The following SH3TC2 variants were observed in gnomAD, a reference collection of about 807,000 sequenced individuals.
The protein encoded by SH3TC2 is SH3 domain and tetratricopeptide repeat-containing protein 2.
Under a neutral mutation model 124.5 loss-of-function variants are expected in SH3TC2, and 87 were observed. The ratio of observed to expected loss-of-function variants is 0.70; its 90% CI spans 0.59 to 0.84. The LOEUF (loss-of-function observed/expected upper bound fraction) is 0.84, where lower values mean the gene tolerates loss of function less well. Ranked by LOEUF, SH3TC2 falls within the 40% of genes least tolerant of loss-of-function variation. The probability of loss-of-function intolerance (pLI) is 0.00; values close to 1 mark genes in which losing one functional copy is unlikely to be tolerated. For synonymous variants in SH3TC2, 634 were observed against 628.5 expected, an observed-to-expected ratio of 1.01 and a Z score of -0.13; for missense variants, 1,536 against 1,566.4, an observed-to-expected ratio of 0.98 and a Z score of 0.33.
In SH3TC2 at chr5:149,044,372, T is replaced by C. The variant is rs913093020; in HGVS notation, c.385+161A>G. ...AATAATAGTTAATATTTGCCTTAGATTTAGTTTGAGGCACTTTGTGAAATT... is the reference window on the plus strand; with the variant it reads ...AATAATAGTTAATATTTGCCTTAGACTTAGTTTGAGGCACTTTGTGAAATT... On this transcript the variant is annotated intron_variant, in intron 4 of 16. Transcript: ENST00000515425. 4.0e-5 allele frequency: 25 copies of C among 624,876 alleles called. No individual in the cohort carries two copies. In the South Asian group the frequency reaches 4.6e-4, roughly 11 times the overall value. The allele number at this position is 624,876 out of a possible 1,614,324, so 38.7% of individuals were successfully genotyped here.
chr5:149,055,263 C>T (rs888811445), intron 1 of SH3TC2, among the ~76,000 whole-genome samples: 1 of 151,976 alleles, frequency 6.6e-6, no homozygotes, highest in Non-Finnish European at 1.5e-5. Flanking sequence ...AAATATTGAT[C>T]ATACGTATGT....
rs1561769861 is a variant in SH3TC2 at position 149,041,603 on chromosome 5, T to C, written c.544A>G (p.Arg182Gly). ...GGTGGAGTCACGGAGCACAGGGCTC[T>C]GCAGAAGAAGTGGCCTGTGGATAAT... ...LLIQEGHFFC[R>G]ALCSVTPPAE... Residue 182 changes from arginine (R) to glycine (G), a missense_variant, in exon 6 of 17, where the codon AGA becomes GGA. By Grantham distance (125) the Arg-to-Gly change is moderately radical. Transcript: ENST00000515425. The C allele has an allele frequency of 1.2e-6, 2 of 1,614,222 alleles. No homozygotes were observed. The highest frequency in any genetic ancestry group is 1.7e-6 in the Non-Finnish European group (2 of 1,180,044).
Position 148,983,518 on chromosome 5 carries a change from A to G in SH3TC2, c.*21193T>C, listed in dbSNP as rs939809313. 6.6e-6 allele frequency among the ~76,000 whole-genome samples: 1 copy of G among 152,200 alleles called. No individual in the cohort carries two copies. The highest frequency in any genetic ancestry group is 1.5e-5 in the Non-Finnish European group (1 of 68,032). ...GTGGAGGTCCCAAGAAACCAAATGC[A>G]GCTCCCTTTTTTACAGTTCTGCATA... On this transcript the variant is annotated 3_prime_UTR_variant, in exon 17 of 17. Coordinates refer to ENST00000515425, the MANE Select transcript of SH3TC2 (RefSeq NM_024577.4).
intron 2 of SH3TC2, among the ~76,000 whole-genome samples, chr5:149,049,216 C>T (rs80314000): frequency 0.029 from 4,449 of 152,286 alleles, 290 homozygotes; most frequent in Admixed American, 0.16. Context: ...GGCTTATGCT[C>T]CAATCTCATG....
chr5:149,017,092 T>C (rs75611890), intron 12 of SH3TC2, among the ~76,000 whole-genome samples: 4,703 of 152,326 alleles, frequency 0.031, 291 homozygotes, highest in Admixed American at 0.16. Context: ...CTTACCACAA[T>C]TTATACGATA....
intron 9 of SH3TC2, among the ~76,000 whole-genome samples, chr5:149,029,708 C>T (rs1257130796): frequency 1.3e-5 from 2 of 152,116 alleles, no homozygotes; most frequent in African/African-American, 4.8e-5. Flanking sequence ...TAAAACATAA[C>T]CACCTATTGC....
At chr5:149,020,845 T>A (rs553697595) in intron 12 of SH3TC2, among the ~76,000 whole-genome samples, 25 of 151,922 alleles carry the variant, frequency 1.6e-4, no homozygotes, top group Non-Finnish European at 3.1e-4. Flanking sequence ...GATAGACAAC[T>A]CAACAACAAC....
At position 149,027,302 on chromosome 5, in the gene SH3TC2, G is replaced by C; in HGVS notation, c.2430C>G (p.Ser810Arg). ...GCACATCCAAAGCCTTCTTGGCCTGGCTGGCTAAGAGATAGGCCCATGCCA... is the reference window on the plus strand; with the variant it reads ...GCACATCCAAAGCCTTCTTGGCCTGCCTGGCTAAGAGATAGGCCCATGCCA... ...LCLAWAYLLA[S>R]QAKKALDVLE... The change falls in exon 11 of 17, where the codon AGC becomes AGG. Residue 810 changes from serine (S) to arginine (R), a missense_variant. Ser to Arg is a moderately radical substitution (Grantham distance 110). Coordinates refer to ENST00000515425, the MANE Select transcript of SH3TC2 (RefSeq NM_024577.4). 3 of 1,614,068 alleles carry C rather than the reference G, an allele frequency of 1.9e-6. No homozygotes were observed. Among genetic ancestry groups the C allele is most frequent in the Non-Finnish European group, 2.5e-6 (3 of 1,180,044 alleles).
At chr5:149,005,818 C>A (rs1444244895) in intron 16 of SH3TC2, among the ~76,000 whole-genome samples, 1 of 152,160 alleles carries the variant, frequency 6.6e-6, no homozygotes, top group Non-Finnish European at 1.5e-5. Context: ...ACAGGAGTGA[C>A]TCAGAAGCCA....
Position 149,059,202 on chromosome 5 carries a change from C to T in SH3TC2, c.52+3769G>A, listed in dbSNP as rs73795769. On this transcript the variant is annotated intron_variant, in intron 1 of 16. Coordinates refer to ENST00000515425, the MANE Select transcript of SH3TC2 (RefSeq NM_024577.4). ...AGAAACTAAAGGCCCAGAGAGGAGT[C>T]ATGATTTTACTGAGATCACACAGCA... is the stretch of plus-strand genomic sequence containing the variant. Among the ~76,000 whole-genome samples, 308 of 152,172 alleles carry T rather than the reference C, an allele frequency of 2.0e-3. 1 individual carries two copies. The highest frequency in any genetic ancestry group is 7.2e-3 in the African/African-American group (297 of 41,530).
At chr5:149,031,515 A>G in intron 9 of SH3TC2, 39 bp downstream of exon 9, 4 of 1,613,694 alleles carry the variant, frequency 2.5e-6, no homozygotes, top group Non-Finnish European at 3.4e-6. Flanking sequence ...ATTCTTGAGG[A>G]CCCCAGGCTT....
chr5:149,048,091 T>G (rs1754497830), intron 2 of SH3TC2, 102 bp from the exon 3 acceptor site: 1 of 1,488,496 alleles, frequency 6.7e-7, no homozygotes, highest in African/African-American at 1.4e-5. Flanking sequence ...ACCTGAACCC[T>G]CAACTGGTGT....
chr5:149,028,272 T>G lies in SH3TC2; in HGVS notation c.1460A>C (p.Tyr487Ser). The G allele has an allele frequency of 6.2e-7, 1 of 1,613,960 alleles. No homozygotes were observed. The highest frequency in any genetic ancestry group is 8.5e-7 in the Non-Finnish European group (1 of 1,180,024). Residue 487 changes from tyrosine (Y) to serine (S), a missense_variant, in exon 11 of 17, where the codon TAT becomes TCT. Tyr to Ser is a moderately radical substitution (Grantham distance 144). Coordinates refer to ENST00000515425, the MANE Select transcript of SH3TC2 (RefSeq NM_024577.4). Reference sequence around the variant, plus strand: ...AGTGAGGAAAGAGAAGGAGAAGTCATAGAGACTCTTAAAGTGGTCAGCATA... The same window carrying G: ...AGTGAGGAAAGAGAAGGAGAAGTCAGAGAGACTCTTAAAGTGGTCAGCATA... ...EGYADHFKSL[Y>S]DFSFSFLTSS...
rs1384222483 is a variant in SH3TC2 at position 148,988,732 on chromosome 5, C to T, written c.*15979G>A. On this transcript the variant is annotated 3_prime_UTR_variant, in exon 17 of 17. Coordinates refer to ENST00000515425, the MANE Select transcript of SH3TC2 (RefSeq NM_024577.4). ...CTGCAACAACAGTAGAGAACCCAAG[C>T]GAGAATTGCCCGGGTGAGCCCAGTC... Among the ~76,000 whole-genome samples, 5 of 152,312 alleles carry T rather than the reference C, an allele frequency of 3.3e-5. No individual in the cohort carries two copies. Among genetic ancestry groups the T allele is most frequent in the Non-Finnish European group, 5.9e-5 (4 of 68,040 alleles).
Position 149,008,896 on chromosome 5 carries a change from C to G in SH3TC2, c.3433G>C (p.Ala1145Pro), listed in dbSNP as rs141715248. The change falls in exon 15 of 17, where the codon GCT becomes CCT. Residue 1145 changes from alanine (A) to proline (P), a missense_variant. By Grantham distance (27) the Ala-to-Pro change is conservative. This residue lies in a region of SH3TC2 where 426 missense variants were observed against 443.5 expected (regional missense o/e 0.96). Transcript: ENST00000515425. ...LQISLEGYEK[A>P]LEFATLAARL... ...GCGGCCAGGGTGGCAAATTCCAAAG[C>G]CTTCTCATAGCCTTCGAGGCTAATC... The G allele has an allele frequency of 3.8e-5, 62 of 1,614,198 alleles. No individual in the cohort carries two copies. In the African/African-American group the frequency reaches 7.2e-4, roughly 19 times the overall value.
intron 12 of SH3TC2, among the ~76,000 whole-genome samples, chr5:149,013,339 G>T (rs1324192419): frequency 6.6e-6 from 1 of 152,080 alleles, no homozygotes; most frequent in Non-Finnish European, 1.5e-5. Flanking sequence ...TGCCATTTAA[G>T]ATGTGCCTTT....
chr5:149,028,717 A>T lies in SH3TC2; in HGVS notation c.1137T>A (p.Ser379Arg). The change falls in exon 10 of 17, where the codon AGT (serine) becomes AGA (arginine). Residue 379 changes from serine to arginine, a missense_variant and splice_region_variant. Physicochemically the swap from Ser to Arg is moderately radical, Grantham distance 110. Around this residue, in one of 3 missense-constraint regions of SH3TC2, gnomAD observed 1,102 missense variants for 1,098.6 expected, o/e 1.00. Coordinates refer to ENST00000515425, the MANE Select transcript of SH3TC2 (RefSeq NM_024577.4). The stretch of plus-strand genomic sequence containing the variant: ...GAGGATTCTGGATGGATTCAAACCC[A>T]CCTAAGTAGAGATGAAGAACAGGTC... ...RTDITSVYRLSGFESIQNPPN... is the reference protein window; with the variant it reads ...RTDITSVYRLRGFESIQNPPN... 1 of 1,614,052 alleles carries T rather than the reference A, an allele frequency of 6.2e-7. No individual in the cohort carries two copies. Among genetic ancestry groups the T allele is most frequent in the Non-Finnish European group, 8.5e-7 (1 of 1,180,002 alleles).
At position 148,999,045 on chromosome 5, in the gene SH3TC2, T is replaced by A. The variant is rs749263197; in HGVS notation, c.*5666A>T. Among the ~76,000 whole-genome samples the A allele has an allele frequency of 1.3e-5, 2 of 152,212 alleles. No individual in the cohort carries two copies. The highest frequency in any genetic ancestry group is 2.9e-5 in the Non-Finnish European group (2 of 68,032). On this transcript the variant is annotated 3_prime_UTR_variant, in exon 17 of 17. Transcript: ENST00000515425. Reference sequence around the variant, plus strand: ...GCTTCATTGTGACAGCTACCACCAATTGACATTCATACCAAGCCATCCATA... The same window carrying A: ...GCTTCATTGTGACAGCTACCACCAAATGACATTCATACCAAGCCATCCATA...
At chr5:149,032,015 C>A (rs1205858619) in intron 8 of SH3TC2, among the ~76,000 whole-genome samples, 2 of 152,152 alleles carry the variant, frequency 1.3e-5, no homozygotes, top group Non-Finnish European at 2.9e-5. Flanking sequence ...TTTGAGACAC[C>A]ATGGTACCCA....
Sources: gnomAD v4.1 joint callset for allele counts (sites outside exome capture counted in the v4.1 genomes callset) on GRCh38, gnomAD v4.1.1 for gene constraint, gnomAD v4.1.1 regional missense constraint, MANE v1.5 for transcripts, NCBI Gene and HGNC (gene_info 2026-07-23, HGNC 2026-07-21) for gene names.